ABCA1: variants seen among roughly 807,000 people sequenced by gnomAD.
The protein encoded by ABCA1 is ATP binding cassette subfamily A member 1.
A neutral mutation model predicts 262.5 loss-of-function variants in ABCA1; 133 were observed. The ratio of observed to expected loss-of-function variants is 0.51; its 90% CI spans 0.44 to 0.59. The LOEUF is 0.59. Among genes scored for constraint, ABCA1 ranks in the 20% least tolerant of loss-of-function variants. ABCA1 has a pLI of 0.00. For synonymous variants in ABCA1, 1,022 were observed against 1,043.5 expected, an observed-to-expected ratio of 0.98 and a Z score of 0.40; for missense variants, 2,452 against 2,777.5, an observed-to-expected ratio of 0.88 and a Z score of 2.63.
In ABCA1 at chr9:104,797,615, G is replaced by A. The variant is rs549996986; in HGVS notation, c.5121+806C>T. On this transcript the variant is annotated intron_variant, in intron 37 of 49. Coordinates refer to ENST00000374736, the MANE Select transcript of ABCA1 (RefSeq NM_005502.4). ...ACAGCATGGCCATACAAGGACAACCGGATCAGAAGAGTGACACAGTCTAAG... is the reference window on the plus strand; with the variant it reads ...ACAGCATGGCCATACAAGGACAACCAGATCAGAAGAGTGACACAGTCTAAG... 2.1e-3 allele frequency among the ~76,000 whole-genome samples: 318 copies of A among 152,254 alleles called. 2 individuals are homozygous for A. Among genetic ancestry groups the A allele is most frequent in the African/African-American group, 7.2e-3 (301 of 41,544 alleles).
In ABCA1 at chr9:104,812,477, C is replaced by T. The variant is rs997536422; in HGVS notation, c.4050+97G>A. ...ATACAGATAAATCTGGCTCCGGCAT[C>T]CATATCTTGACCAGGATGCTATCCT... is the stretch of plus-strand genomic sequence containing the variant. On this transcript the variant is annotated intron_variant, in intron 28 of 49. Coordinates refer to ENST00000374736, the MANE Select transcript of ABCA1 (RefSeq NM_005502.4). 2.3e-3 allele frequency: 3,420 copies of T among 1,511,184 alleles called. 60 individuals are homozygous for T. The African/African-American group carries it at 0.042, about 18-fold the overall frequency. The allele number at this position is 1,511,184 out of a possible 1,614,324, so 93.6% of individuals were successfully genotyped here. A position where few individuals can be genotyped will look rare whatever the true frequency, so the allele number is the denominator to read the frequency against.
chr9:104,784,591 CTGTG>C lies in ABCA1; in HGVS notation c.6646-140_6646-137del, dbSNP rs553638644. On this transcript the variant is annotated intron_variant, in intron 49 of 49. Transcript: ENST00000374736. ...TTACATAAATGGATTAACTAGAAAACTGTGTGTGAAGGAGGGAAGAATACTTGAA... is the reference window on the plus strand; with the variant it reads ...TTACATAAATGGATTAACTAGAAAACTGTGAAGGAGGGAAGAATACTTGAA... 3,044 of 1,065,328 alleles carry C rather than the reference CTGTG, an allele frequency of 2.9e-3. 10 individuals are homozygous for C. The highest frequency in any genetic ancestry group is 3.6e-3 in the Non-Finnish European group (2,567 of 720,296). 66.0% of individuals were successfully genotyped at this position (1,065,328 alleles called of 1,614,324 possible). A position where few individuals can be genotyped will look rare whatever the true frequency, so the allele number is the denominator to read the frequency against.
At chr9:104,903,546 CAATCCCCAACTCA>C in intron 2 of ABCA1, 55 bp downstream of exon 2, 1 of 1,486,584 alleles carries the variant, frequency 6.7e-7, no homozygotes, top group Non-Finnish European at 9.2e-7. Context: ...CTCCCTCCTC[CAATCCCCAACTCA>C]AAACCACAAA....
chr9:104,870,791 C>T (rs370839541), intron 5 of ABCA1, among the ~76,000 whole-genome samples: 3 of 150,842 alleles, frequency 2.0e-5, no homozygotes, highest in East Asian at 2.0e-4. Flanking sequence ...GGGGTGGGGC[C>T]GTTTTATAGG....
At chr9:104,864,243 A>C (rs1401498335) in intron 5 of ABCA1, among the ~76,000 whole-genome samples, 1 of 152,138 alleles carries the variant, frequency 6.6e-6, no homozygotes, top group East Asian at 1.9e-4. Flanking sequence ...CCATCATAGG[A>C]GATTTCCTTT....
intron 18 of ABCA1, 121 bp from the exon 19 acceptor site, chr9:104,822,788 C>T (rs1187557201): frequency 8.8e-7 from 1 of 1,141,188 alleles, no homozygotes; most frequent in Non-Finnish European, 1.3e-6. Flanking sequence ...ACCCTGGTTT[C>T]TCAGGCAGGC....
chr9:104,925,481 G>C (rs1826254581), intron 1 of ABCA1, among the ~76,000 whole-genome samples: 1 of 151,982 alleles, frequency 6.6e-6, no homozygotes, highest in Non-Finnish European at 1.5e-5. Flanking sequence ...CATATCACAC[G>C]TGTCCAGGTT....
chr9:104,819,438 TCA>T (rs1832077748), intron 22 of ABCA1, 146 bp downstream of exon 22: 4 of 1,129,176 alleles, frequency 3.5e-6, no homozygotes. Context: ...CTCAGGAATC[TCA>T]GTCTCAATGC....
rs752185566 is a variant in ABCA1, at chr9:104,824,624, T to C, written c.2543-46A>G. On this transcript the variant is annotated intron_variant, in intron 17 of 49. Coordinates refer to ENST00000374736, the MANE Select transcript of ABCA1 (RefSeq NM_005502.4). ...TGAGCCAAGCTCAGCATCATCCCAG[T>C]ATTCTGAGGGTTTCCCAGCCAGGTC... 29 of 1,605,646 alleles carry C rather than the reference T, an allele frequency of 1.8e-5. No homozygotes were observed. In the South Asian group the frequency reaches 3.1e-4, roughly 17 times the overall value.
At chr9:104,830,326 T>A (rs1422383824) in intron 14 of ABCA1, among the ~76,000 whole-genome samples, 1 of 152,256 alleles carries the variant, frequency 6.6e-6, no homozygotes, top group South Asian at 2.1e-4. Flanking sequence ...TGTGCTTGCA[T>A]GTGTTTGTCA....
In ABCA1 at chr9:104,832,666, C is replaced by G; in HGVS notation, c.1417G>C (p.Asp473His). Reference protein sequence around the residue: ...IVAFLAKHPEDVQSSNGSVYT... With the variant: ...IVAFLAKHPEHVQSSNGSVYT... The stretch of plus-strand genomic sequence containing the variant: ...ACAGAACCATTACTGGACTGGACAT[C>G]CTCTGGGTGCTTGGCCAAAAACGCC... The change falls in exon 12 of 50, where the codon GAT becomes CAT. Residue 473 changes from aspartate to histidine, a missense_variant. By Grantham distance (81) the Asp-to-His change is moderately conservative (BLOSUM62 -1). This residue lies in a region of ABCA1 where 1,032 missense variants were observed against 1,089.7 expected (regional missense o/e 0.95). Coordinates refer to ENST00000374736, the MANE Select transcript of ABCA1 (RefSeq NM_005502.4). 1 of 1,614,156 alleles carries G rather than the reference C, an allele frequency of 6.2e-7. No individual in the cohort carries two copies.
At chr9:104,821,068 C>T (rs1202838361) in intron 20 of ABCA1, among the ~76,000 whole-genome samples, 1 of 152,076 alleles carries the variant, frequency 6.6e-6, no homozygotes, top group East Asian at 1.9e-4. Flanking sequence ...CATGGTGAAA[C>T]CCCGTCTCTA....
At chr9:104,835,244 T>A (rs1229652886) in intron 11 of ABCA1, among the ~76,000 whole-genome samples, 4 of 123,336 alleles carry the variant, frequency 3.2e-5, no homozygotes, top group Non-Finnish European at 4.9e-5. Context: ...CAAGACTCTG[T>A]CCAAAAAAAA....
At chr9:104,802,374 C>T (rs1384534316) in intron 33 of ABCA1, among the ~76,000 whole-genome samples, 2 of 152,230 alleles carry the variant, frequency 1.3e-5, no homozygotes, top group Non-Finnish European at 2.9e-5. Flanking sequence ...AGGACCTGGC[C>T]TGATTACACA....
intron 27 of ABCA1, among the ~76,000 whole-genome samples, chr9:104,813,601 C>T (rs533097962): frequency 2.0e-5 from 3 of 152,082 alleles, no homozygotes; most frequent in Non-Finnish European, 1.5e-5. Context: ...TTAGTAGAGA[C>T]GGGGTTTCAC....
intron 44 of ABCA1, among the ~76,000 whole-genome samples, chr9:104,789,781 G>A (rs1829250969): frequency 6.7e-6 from 1 of 148,908 alleles, no homozygotes; most frequent in African/African-American, 2.6e-5. Context: ...CCACTGCCTT[G>A]TACTATCTCT....
At chr9:104,883,968 T>C (rs538694938) in intron 4 of ABCA1, among the ~76,000 whole-genome samples, 2 of 152,314 alleles carry the variant, frequency 1.3e-5, no homozygotes, top group Non-Finnish European at 2.9e-5. Context: ...CCTGCAGACA[T>C]TGTAGTCTGA....
intron 5 of ABCA1, among the ~76,000 whole-genome samples, chr9:104,869,957 G>T (rs1457027470): frequency 6.6e-6 from 1 of 152,164 alleles, no homozygotes; most frequent in Non-Finnish European, 1.5e-5. Flanking sequence ...TAAGTACTCT[G>T]AATGCTGACT....
intron 7 of ABCA1, among the ~76,000 whole-genome samples, chr9:104,849,510 A>G (rs1835193817): frequency 6.6e-6 from 1 of 152,238 alleles, no homozygotes; most frequent in Admixed American, 6.5e-5. Flanking sequence ...ATTCGAGATT[A>G]AGTGCTCAGC....
Sources: gnomAD v4.1 joint callset for allele counts (sites outside exome capture counted in the v4.1 genomes callset) on GRCh38, gnomAD v4.1.1 for gene constraint, gnomAD v4.1.1 regional missense constraint, MANE v1.5 for transcripts, NCBI Gene and HGNC (gene_info 2026-07-23, HGNC 2026-07-21) for gene names.